Variants in CTPS2 observed in about 807,000 individuals in gnomAD.
CTPS2 encodes CTP synthase 2.
In CTPS2, 19 loss-of-function variants were observed where a neutral mutation model predicts 46.8. The ratio of observed to expected loss-of-function variants is 0.41; its 90% CI spans 0.28 to 0.60. The LOEUF (loss-of-function observed/expected upper bound fraction) is 0.60. Ranked by LOEUF, CTPS2 falls within the 20% of genes least tolerant of loss-of-function variation. The pLI is 0.35. For synonymous variants in CTPS2, 151 were observed against 165.2 expected, an observed-to-expected ratio of 0.91 and a Z score of 0.66; for missense variants, 286 against 447.6, an observed-to-expected ratio of 0.64 and a Z score of 3.26.
chrX:16,684,588 C>A (rs1448139587), intron 8 of CTPS2, among the ~76,000 whole-genome samples: 1 of 110,154 alleles, frequency 9.1e-6, no homozygotes, highest in African/African-American at 3.3e-5. Flanking sequence ...CACAAACAGG[C>A]TATGTGTGGG....
At chrX:16,603,690 G>A (rs1351894885) in intron 17 of CTPS2, among the ~76,000 whole-genome samples, 6 of 110,323 alleles carry the variant, frequency 5.4e-5, no homozygotes, top group Non-Finnish European at 1.1e-4. Context: ...CAGTAATTAT[G>A]TTAGGCTGGT....
chrX:16,673,590 A>T (rs1303638014), intron 10 of CTPS2, among the ~76,000 whole-genome samples: 1 of 111,567 alleles, frequency 9.0e-6, no homozygotes, highest in South Asian at 3.7e-4. Context: ...ATGTTAAAAA[A>T]AAAAAGCTTT....
At position 16,639,033 on chromosome X, in the gene CTPS2, C is replaced by T. The variant is rs764060731; in HGVS notation, c.1393+114G>A. 41 of 583,483 alleles carry T rather than the reference C, an allele frequency of 7.0e-5. No individual in the cohort carries two copies. The East Asian group carries it at 1.3e-3, about 19-fold the overall frequency. The allele number at this position is 583,483 out of a possible 1,213,427, so 48.1% of individuals were successfully genotyped here. A position where few individuals can be genotyped will look rare whatever the true frequency, so the allele number is the denominator to read the frequency against. On this transcript the variant is annotated intron_variant, in intron 14 of 18. Coordinates refer to ENST00000359276, the MANE Select transcript of CTPS2 (RefSeq NM_175859.3). ...GATGGGAAGAGAGAGAATCAGGGCC[C>T]TCCGAGGATGCTGGAAGGGGCAGGG...
intron 4 of CTPS2, among the ~76,000 whole-genome samples, chrX:16,696,040 C>G (rs1924103921): frequency 8.9e-6 from 1 of 111,776 alleles, no homozygotes; most frequent in South Asian, 3.7e-4. Flanking sequence ...GGAAAATAAA[C>G]AAGAAGAAAG....
chrX:16,639,755 GAAAGGAAAAGA>G (rs1176951577), intron 13 of CTPS2, among the ~76,000 whole-genome samples: 3 of 56,399 alleles, frequency 5.3e-5, no homozygotes, highest in African/African-American at 6.6e-5. Context: ...GAAAGAAAGA[GAAAGGAAAAGA>G]AAAGGAAAAG....
Position 16,588,359 on chromosome X carries a change from C to T in CTPS2, c.*1458G>A, listed in dbSNP as rs1041580733. On this transcript the variant is annotated 3_prime_UTR_variant, in exon 19 of 19. Coordinates refer to ENST00000359276, the MANE Select transcript of CTPS2 (RefSeq NM_175859.3). The stretch of plus-strand genomic sequence containing the variant: ...GTTCCCTATTTGGATCTCCTAAGGC[C>T]AGTTCCTGGAATTGTTTAAGTAAAA... 1.8e-5 allele frequency: 2 copies of T among 112,002 alleles called. No homozygotes were observed. The highest frequency in any genetic ancestry group is 6.5e-5 in the African/African-American group (2 of 30,764). The allele number at this position is 112,002 out of a possible 1,213,427, so 9.2% of individuals were successfully genotyped here. A position where few individuals can be genotyped will look rare whatever the true frequency, so the allele number is the denominator to read the frequency against.
At chrX:16,621,409 A>G (rs951417495) in intron 14 of CTPS2, among the ~76,000 whole-genome samples, 2 of 107,790 alleles carry the variant, frequency 1.9e-5, no homozygotes, top group Non-Finnish European at 3.8e-5. Context: ...TATGTAACAA[A>G]CCTGCACATT....
intron 17 of CTPS2, among the ~76,000 whole-genome samples, chrX:16,598,212 C>T (rs1432790693): frequency 9.0e-6 from 1 of 110,998 alleles, no homozygotes; most frequent in African/African-American, 3.3e-5. Context: ...AAAATCAGAG[C>T]AGAACTGAAG....
chrX:16,712,209 G>A (rs989305709), intron 1 of CTPS2, 126 bp downstream of exon 1: 1 of 112,349 alleles, frequency 8.9e-6, no homozygotes, highest in African/African-American at 3.2e-5. Flanking sequence ...TCAGAGAGCG[G>A]ACAAAGGAGC....
chrX:16,697,432 CTTTTTTTTT>C (rs5901594), intron 4 of CTPS2, among the ~76,000 whole-genome samples: 1 of 59,601 alleles, frequency 1.7e-5, no homozygotes, highest in East Asian at 6.2e-4. Context: ...TCAAATACGA[CTTTTTTTTT>C]TTTTTTTTTT....
At chrX:16,607,290 C>T (rs1930030120) in intron 17 of CTPS2, among the ~76,000 whole-genome samples, 1 of 112,858 alleles carries the variant, frequency 8.9e-6, no homozygotes, top group South Asian at 3.6e-4. Flanking sequence ...GGGTCACAGC[C>T]CACATCTGAC....
intron 13 of CTPS2, among the ~76,000 whole-genome samples, chrX:16,664,211 A>T (rs751851013): frequency 1.8e-5 from 2 of 112,328 alleles, no homozygotes; most frequent in African/African-American, 6.5e-5. Flanking sequence ...CCTTGCCAAC[A>T]CTATCTAACA....
At chrX:16,648,941 G>A (rs1295532582) in intron 13 of CTPS2, among the ~76,000 whole-genome samples, 2 of 112,050 alleles carry the variant, frequency 1.8e-5, no homozygotes, top group African/African-American at 6.5e-5. Context: ...CAGAGTCAGG[G>A]AAAATTCTAT....
intron 13 of CTPS2, among the ~76,000 whole-genome samples, chrX:16,645,340 T>C (rs192708427): frequency 2.9e-3 from 321 of 110,445 alleles, no homozygotes; most frequent in African/African-American, 9.9e-3. Flanking sequence ...CAGGGGAGAC[T>C]AAGGGATGGG....
chrX:16,622,427 GAAAAAGAAAA>G (rs1930895637), intron 14 of CTPS2, among the ~76,000 whole-genome samples: 1 of 108,563 alleles, frequency 9.2e-6, no homozygotes, highest in South Asian at 3.9e-4. Flanking sequence ...AAAAAAGAAA[GAAAAAGAAAA>G]AGAAAGAAAA....
chrX:16,653,784 G>A (rs1419560368), intron 13 of CTPS2, among the ~76,000 whole-genome samples: 8 of 112,205 alleles, frequency 7.1e-5, no homozygotes, highest in African/African-American at 2.6e-4. Context: ...AAAACTGGGC[G>A]GTGGTTAGTT....
At chrX:16,623,792 CTTTTTTTTTTTTTTTT>C (rs60328217) in intron 14 of CTPS2, among the ~76,000 whole-genome samples, 1 of 21,683 alleles carries the variant, frequency 4.6e-5, no homozygotes, top group Non-Finnish European at 7.6e-5. Flanking sequence ...CCCCTCAATT[CTTTTTTTTTTTTTTTT>C]TTTTTTTTTT....
intron 14 of CTPS2, among the ~76,000 whole-genome samples, chrX:16,630,251 ATT>A (rs148128965): frequency 0.18 from 13,589 of 76,915 alleles, 1,085 homozygotes; most frequent in Middle Eastern, 0.29. Context: ...GTTGTGTTGT[ATT>A]TTTTTTTTTT....
intron 2 of CTPS2, among the ~76,000 whole-genome samples, chrX:16,700,882 T>C (rs1341272650): frequency 2.7e-5 from 3 of 111,860 alleles, no homozygotes; most frequent in Non-Finnish European, 3.8e-5. Context: ...AAGGCATATG[T>C]TAATATTCCC....
Sources: gnomAD v4.1 joint callset for allele counts (sites outside exome capture counted in the v4.1 genomes callset) on GRCh38, gnomAD v4.1.1 for gene constraint, MANE v1.5 for transcripts, NCBI Gene and HGNC (gene_info 2026-07-23, HGNC 2026-07-21) for gene names.